The following TAF3 variants were observed in gnomAD, a reference collection of about 807,000 sequenced individuals.
TAF3 encodes transcription initiation factor TFIID subunit 3.
Under a neutral mutation model 80.6 loss-of-function variants are expected in TAF3, and 7 were observed. That is an observed-to-expected ratio of 0.09 (90% CI 0.05 to 0.16). TAF3 has a LOEUF of 0.16. Among genes scored for constraint, TAF3 ranks in the 10% least tolerant of loss-of-function variants. TAF3 has a pLI of 1.00. For missense variants in TAF3, 921 were observed against 1,140.2 expected (o/e 0.81, Z 2.77); for synonymous variants, 444 against 446.1 (o/e 1.00, Z 0.06).
At chr10:8,014,446 G>T (rs1231335795) in intron 6 of TAF3, among the ~76,000 whole-genome samples, 191 bp from the exon 7 acceptor site, 1 of 152,204 alleles carries the variant, frequency 6.6e-6, no homozygotes, top group African/African-American at 2.4e-5. Flanking sequence ...TCTGCAGGGG[G>T]CCTGTAAAGG....
At chr10:7,871,435 CTTTTTTTTTTT>C (rs527356726) in intron 2 of TAF3, among the ~76,000 whole-genome samples, 2 of 69,120 alleles carry the variant, frequency 2.9e-5, no homozygotes, top group Admixed American at 2.3e-4. Flanking sequence ...ATAACTGCTG[CTTTTTTTTTTT>C]TTTTTTTTTT....
At chr10:8,010,290 C>T (rs1303932280) in intron 5 of TAF3, among the ~76,000 whole-genome samples, 1 of 152,214 alleles carries the variant, frequency 6.6e-6, no homozygotes, top group East Asian at 1.9e-4. Context: ...ACATAGTCAG[C>T]CTCCATAAAT....
At chr10:7,935,788 C>CTGAA (rs1837913954) in intron 2 of TAF3, among the ~76,000 whole-genome samples, 1 of 152,084 alleles carries the variant, frequency 6.6e-6, no homozygotes, top group African/African-American at 2.4e-5. Context: ...GGCCTTGAGG[C>CTGAA]TGAAGACTTC....
intron 4 of TAF3, among the ~76,000 whole-genome samples, chr10:7,996,818 T>G (rs1286672688): frequency 1.3e-5 from 2 of 150,626 alleles, no homozygotes; most frequent in African/African-American, 4.9e-5. Flanking sequence ...TAGCTGGGAC[T>G]ACAGGCACGC....
chr10:7,944,882 C>G (rs1838009508), intron 2 of TAF3, among the ~76,000 whole-genome samples: 1 of 152,122 alleles, frequency 6.6e-6, no homozygotes, highest in African/African-American at 2.4e-5. Flanking sequence ...AGCCCCAGGT[C>G]TTGAGATATT....
intron 2 of TAF3, among the ~76,000 whole-genome samples, chr10:7,935,399 C>A (rs1837907955): frequency 6.6e-6 from 1 of 152,036 alleles, no homozygotes; most frequent in Non-Finnish European, 1.5e-5. Context: ...AGATCGAGAC[C>A]ATGGTGAAAC....
chr10:7,936,399 C>T lies in TAF3; in HGVS notation c.410-27521C>T, dbSNP rs145755850. Among the ~76,000 whole-genome samples, 567 of 151,828 alleles carry T rather than the reference C, an allele frequency of 3.7e-3. 4 individuals are homozygous for T. The highest frequency in any genetic ancestry group is 0.02 in the South Asian group (96 of 4,790). On this transcript the variant is annotated intron_variant, in intron 2 of 6. Coordinates refer to ENST00000344293, the MANE Select transcript of TAF3 (RefSeq NM_031923.4). ...TTCTCTTACAGTTTAAAGCATTATA[C>T]GATTAAGGATCAAATGTCAGCAAAT... is the stretch of plus-strand genomic sequence containing the variant.
intron 5 of TAF3, among the ~76,000 whole-genome samples, chr10:8,010,403 C>T (rs7093390): frequency 0.077 from 11,697 of 152,224 alleles, 712 homozygotes; most frequent in African/African-American, 0.15. Context: ...ACTGAAATCT[C>T]ACATTGAATT....
rs1831967148 is a variant in TAF3, at chr10:8,003,789, T to C, written c.2316-5289T>C. On this transcript the variant is annotated intron_variant, in intron 4 of 6. Coordinates refer to ENST00000344293, the MANE Select transcript of TAF3 (RefSeq NM_031923.4). ...GGCCAGGCACAGTGGCATGCGCCTG[T>C]AATCCCAGCTATTAGGTAGGCTGAG... 3.3e-5 allele frequency among the ~76,000 whole-genome samples: 5 copies of C among 152,296 alleles called. No individual in the cohort carries two copies. In the South Asian group the frequency reaches 1.0e-3, roughly 32 times the overall value.
chr10:7,820,390 A>T (rs1246466056), intron 1 of TAF3, among the ~76,000 whole-genome samples: 3 of 152,272 alleles, frequency 2.0e-5, no homozygotes, highest in Non-Finnish European at 4.4e-5. Flanking sequence ...TTTGTTGAAT[A>T]AATGAATGAA....
intron 2 of TAF3, among the ~76,000 whole-genome samples, chr10:7,932,886 C>T (rs1369009704): frequency 6.6e-6 from 1 of 151,832 alleles, no homozygotes; most frequent in Non-Finnish European, 1.5e-5. Context: ...CAATATATTG[C>T]CCAGCCTGGT....
chr10:7,977,250 G>C lies in TAF3; in HGVS notation c.2242G>C (p.Glu748Gln). The C allele has an allele frequency of 6.2e-7, 1 of 1,614,176 alleles. No homozygotes were observed. Residue 748 changes from glutamate to glutamine, a missense_variant, in exon 4 of 7, where the codon GAA becomes CAA. Physicochemically the swap from Glu to Gln is conservative, Grantham distance 29. Around this residue, in one of 6 missense-constraint regions of TAF3, gnomAD observed 743 missense variants for 821.0 expected, o/e 0.90. Coordinates refer to ENST00000344293, the MANE Select transcript of TAF3 (RefSeq NM_031923.4). ...EKHKHEKIKV[E>Q]PVALAPSPVI... ...GTGCTAACTTCCACAGATAAAAGTG[G>C]AACCAGTCGCTCTGGCCCCGAGTCC...
chr10:7,920,384 A>C (rs1439494489), intron 2 of TAF3, among the ~76,000 whole-genome samples: 2 of 149,750 alleles, frequency 1.3e-5, no homozygotes, highest in African/African-American at 4.9e-5. Context: ...TTTTTCCCCT[A>C]CTAGATGAAT....
At chr10:7,859,749 C>A (rs1837124874) in intron 2 of TAF3, among the ~76,000 whole-genome samples, 2 of 152,170 alleles carry the variant, frequency 1.3e-5, no homozygotes, top group Non-Finnish European at 2.9e-5. Flanking sequence ...AGAATGTAAT[C>A]CATGAGAAGA....
chr10:7,908,763 A>C (rs1837629332), intron 2 of TAF3, among the ~76,000 whole-genome samples: 1 of 152,264 alleles, frequency 6.6e-6, no homozygotes, highest in African/African-American at 2.4e-5. Context: ...CCTGATATGT[A>C]AGACAGATTA....
intron 2 of TAF3, among the ~76,000 whole-genome samples, chr10:7,826,073 G>A (rs1588513418): frequency 6.6e-6 from 1 of 152,006 alleles, no homozygotes; most frequent in East Asian, 1.9e-4. Context: ...TTTAAATTTG[G>A]CATAAGTTGT....
intron 2 of TAF3, among the ~76,000 whole-genome samples, chr10:7,840,978 T>C (rs1438730494): frequency 6.6e-6 from 1 of 152,032 alleles, no homozygotes; most frequent in Non-Finnish European, 1.5e-5. Flanking sequence ...GCCTCCCAAG[T>C]AGCTGGGATT....
chr10:8,003,961 T>A lies in TAF3; in HGVS notation c.2316-5117T>A, dbSNP rs1013586175. ...ATATAGTTATTTTCATAAAAAAAAA[T>A]GTTATCTGTTAACATATAATGGGTT... On this transcript the variant is annotated intron_variant, in intron 4 of 6. Coordinates refer to ENST00000344293, the MANE Select transcript of TAF3 (RefSeq NM_031923.4). 4.6e-5 allele frequency among the ~76,000 whole-genome samples: 7 copies of A among 152,184 alleles called. No homozygotes were observed. The South Asian group carries it at 6.2e-4, about 14-fold the overall frequency.
chr10:7,937,048 C>A (rs1038053789), intron 2 of TAF3, among the ~76,000 whole-genome samples: 8 of 152,062 alleles, frequency 5.3e-5, no homozygotes, highest in Admixed American at 5.2e-4. Flanking sequence ...GAATAATATT[C>A]CGTTGTCTGA....
Sources: gnomAD v4.1 joint callset for allele counts (sites outside exome capture counted in the v4.1 genomes callset) on GRCh38, gnomAD v4.1.1 for gene constraint, gnomAD v4.1.1 regional missense constraint, MANE v1.5 for transcripts, NCBI Gene and HGNC (gene_info 2026-07-23, HGNC 2026-07-21) for gene names.